Variants in RIN2 observed in about 807,000 individuals in gnomAD.
RIN2 encodes Ras and Rab interactor 2.
Under a neutral mutation model 78.0 loss-of-function variants are expected in RIN2, and 36 were observed. That is an observed-to-expected ratio of 0.46 (90% CI 0.35 to 0.61). The LOEUF (loss-of-function observed/expected upper bound fraction) is 0.61. RIN2 is among the 20% of genes least tolerant of loss of function. The probability of loss-of-function intolerance (pLI) is 0.00; values close to 1 mark genes in which losing one functional copy is unlikely to be tolerated. For missense variants in RIN2, 1,087 were observed against 1,159.7 expected, an observed-to-expected ratio of 0.94 and a Z score of 0.91; for synonymous variants, 466 against 466.8, an observed-to-expected ratio of 1.00 and a Z score of 0.02.
intron 8 of RIN2, 68 bp downstream of exon 8, chr20:19,970,997 C>CA (rs1173637226): frequency 1.7e-6 from 2 of 1,188,646 alleles, no homozygotes; most frequent in Non-Finnish European, 2.4e-6. Context: ...ATGGTGGGCT[C>CA]ACTGAGGCTA....
intron 7 of RIN2, among the ~76,000 whole-genome samples, chr20:19,969,020 T>A (rs1284907510): frequency 1.3e-5 from 2 of 152,152 alleles, no homozygotes; most frequent in Non-Finnish European, 2.9e-5. Context: ...AGAGGTGATA[T>A]GGGCCTGACC....
intron 1 of RIN2, among the ~76,000 whole-genome samples, chr20:19,788,574 C>G (rs1391373285): frequency 2.0e-5 from 3 of 150,200 alleles, no homozygotes; most frequent in Non-Finnish European, 4.4e-5. Flanking sequence ...TGCACTCCAG[C>G]CTGGGCAACA....
intron 4 of RIN2, among the ~76,000 whole-genome samples, chr20:19,947,227 A>C (rs528323320): frequency 6.6e-6 from 1 of 151,834 alleles, no homozygotes; most frequent in Non-Finnish European, 1.5e-5. Flanking sequence ...TGGGCTAGGC[A>C]TGGTGGCTTG....
intron 12 of RIN2, among the ~76,000 whole-genome samples, chr20:19,999,013 G>A (rs1384069968): frequency 2.0e-5 from 3 of 152,174 alleles, no homozygotes; most frequent in African/African-American, 7.2e-5. Context: ...TGCCTTCTCA[G>A]AGTGTAACCG....
chr20:19,889,320 C>T (rs2038334159), intron 2 of RIN2: 1 of 1,212,450 alleles, frequency 8.2e-7, no homozygotes, highest in Non-Finnish European at 1.0e-6. Flanking sequence ...TTCCTGAAGT[C>T]CCAAGGACCT....
intron 2 of RIN2, among the ~76,000 whole-genome samples, chr20:19,881,499 A>G (rs1186687851): frequency 6.6e-6 from 1 of 152,228 alleles, no homozygotes; most frequent in Non-Finnish European, 1.5e-5. Flanking sequence ...AATTTATTAT[A>G]TAGGGATGAT....
chr20:19,965,064 T>G (rs1187642547), intron 7 of RIN2, 40 bp downstream of exon 7: 1 of 1,521,188 alleles, frequency 6.6e-7, no homozygotes, highest in Admixed American at 1.7e-5. Context: ...AGGCCCTGTT[T>G]GGTGTGTGGG....
chr20:19,973,120 T>G (rs568877173), intron 8 of RIN2, among the ~76,000 whole-genome samples: 1 of 152,344 alleles, frequency 6.6e-6, no homozygotes, highest in East Asian at 1.9e-4. Context: ...AAATTCACAG[T>G]TAAAAAGGTA....
chr20:19,864,996 A>G (rs1352851634), intron 2 of RIN2, among the ~76,000 whole-genome samples: 1 of 152,172 alleles, frequency 6.6e-6, no homozygotes, highest in African/African-American at 2.4e-5. Context: ...TAAGTATCTG[A>G]AAGACTACCT....
intron 12 of RIN2, 44 bp from the exon 13 acceptor site, chr20:20,000,569 A>G (rs1475772274): frequency 4.8e-6 from 7 of 1,466,006 alleles, no homozygotes; most frequent in Non-Finnish European, 6.5e-6. Flanking sequence ...CTCACTATCT[A>G]GTTTTCTCTT....
chr20:19,777,662 G>T (rs2034357367), intron 1 of RIN2, among the ~76,000 whole-genome samples: 1 of 152,174 alleles, frequency 6.6e-6, no homozygotes, highest in Non-Finnish European at 1.5e-5. Flanking sequence ...TTCATTTCTG[G>T]CTGAGACGAG....
chr20:19,938,569 CACTA>C (rs1449071004), intron 4 of RIN2, among the ~76,000 whole-genome samples: 2 of 152,102 alleles, frequency 1.3e-5, no homozygotes, highest in East Asian at 3.9e-4. Flanking sequence ...TTCTCTCTCC[CACTA>C]ACTTTGTACA....
intron 2 of RIN2, among the ~76,000 whole-genome samples, chr20:19,804,199 T>C (rs7362854): frequency 0.066 from 10,121 of 152,292 alleles, 386 homozygotes; most frequent in Middle Eastern, 0.14. Flanking sequence ...ATCTTTCTCT[T>C]GCCTGACTGC....
chr20:19,956,660 G>A lies in RIN2; in HGVS notation c.204G>A (p.Val68=). ...GTGGCTATTCCGAGGAAGAGGACGT[G>A]AAGACCTGTGCCCGGGACTCAGGCT... ...KDGGYSEEED[V]KTCARDSGYD... The change falls in exon 5 of 13, where the codon GTG becomes GTA. Residue 68 remains valine, a synonymous_variant. Coordinates refer to ENST00000255006, the MANE Select transcript of RIN2 (RefSeq NM_018993.4). 1 of 1,613,506 alleles carries A rather than the reference G, an allele frequency of 6.2e-7. No homozygotes were observed. Among genetic ancestry groups the A allele is most frequent in the Non-Finnish European group, 8.5e-7 (1 of 1,179,718 alleles).
At position 19,974,880 on chromosome 20, in the gene RIN2, T is replaced by C. The variant is rs768322068; in HGVS notation, c.855T>C (p.Ser285=). 6.2e-7 allele frequency: 1 copy of C among 1,613,984 alleles called. No individual in the cohort carries two copies. Among genetic ancestry groups the C allele is most frequent in the Non-Finnish European group, 8.5e-7 (1 of 1,179,882 alleles). Residue 285 remains serine (S), a synonymous_variant, in exon 9 of 13, where the codon AGT becomes AGC. Coordinates refer to ENST00000255006, the MANE Select transcript of RIN2 (RefSeq NM_018993.4). ...LFLKVHSQDL[S]GGLKRPSTRT... ...TGAAAGTGCACAGCCAGGACCTCAG[T>C]GGAGGCCTGAAACGGCCGAGCACAA...
At chr20:19,781,780 C>T (rs916243603) in intron 1 of RIN2, among the ~76,000 whole-genome samples, 4 of 144,178 alleles carry the variant, frequency 2.8e-5, no homozygotes, top group Admixed American at 6.8e-5. Flanking sequence ...GAAGATTATA[C>T]ACTTTTTTTT....
intron 2 of RIN2, among the ~76,000 whole-genome samples, chr20:19,875,192 T>C (rs547121500): frequency 6.6e-6 from 1 of 151,652 alleles, no homozygotes; most frequent in African/African-American, 2.4e-5. Context: ...GGAGGCTTAC[T>C]CTGTTGCTCA....
intron 2 of RIN2, among the ~76,000 whole-genome samples, chr20:19,862,041 C>T (rs1204529614): frequency 6.6e-6 from 1 of 150,532 alleles, no homozygotes; most frequent in East Asian, 1.9e-4. Flanking sequence ...ATCTGATCAC[C>T]CTCCATACCT....
chr20:19,832,567 C>T (rs967612359), intron 2 of RIN2, among the ~76,000 whole-genome samples: 42 of 151,912 alleles, frequency 2.8e-4, no homozygotes, highest in Non-Finnish European at 5.9e-5. Context: ...CAGCCCTGAT[C>T]ACCCCGGGGC....
Sources: allele counts gnomAD v4.1 joint callset (sites outside exome capture counted in the v4.1 genomes callset), GRCh38; gene constraint gnomAD v4.1.1; transcripts MANE v1.5; gene names NCBI Gene and HGNC (gene_info 2026-07-23, HGNC 2026-07-21).